RUNX1: variants seen among roughly 807,000 people sequenced by gnomAD.
RUNX1 encodes RUNX family transcription factor 1.
Under a neutral mutation model 42.8 loss-of-function variants are expected in RUNX1, and 19 were observed. The ratio of observed to expected loss-of-function variants is 0.44; its 90% CI spans 0.31 to 0.65. The LOEUF is 0.65. Ranked by LOEUF, RUNX1 falls within the 30% of genes least tolerant of loss-of-function variation. The pLI, the probability that RUNX1 is intolerant of heterozygous loss-of-function variation, is 0.07. For missense variants in RUNX1, 528 were observed against 672.0 expected (o/e 0.79, Z 2.37); for synonymous variants, 271 against 289.4 (o/e 0.94, Z 0.64).
rs1555905178 is a variant in RUNX1, at chr21:34,923,687, G to GAACACATT, written c.59-30725_59-30724insAATGTGTT. Among the ~76,000 whole-genome samples, 852 of 147,542 alleles carry GAACACATT rather than the reference G, an allele frequency of 5.8e-3. 33 individuals carry two copies. The highest frequency in any genetic ancestry group is 0.012 in the African/African-American group (445 of 38,206). ...TCCCATTTCAGTGAACAGCAATTCT[G>GAACACATT]TCAACCATCATTCAAATGCAAAAGC... On this transcript the variant is annotated intron_variant, in intron 2 of 8. Transcript: ENST00000675419.
In RUNX1 at chr21:34,834,698, T is replaced by C. The variant is rs562147534; in HGVS notation, c.614-97A>G. ...TGTGGATTTCCTAAAACTGGGGCTTTTCTTGTCTTTCCCCTCTCTCTCCCC... is the reference window on the plus strand; with the variant it reads ...TGTGGATTTCCTAAAACTGGGGCTTCTCTTGTCTTTCCCCTCTCTCTCCCC... On this transcript the variant is annotated intron_variant, in intron 6 of 8. Transcript: ENST00000675419. 21 of 1,081,866 alleles carry C rather than the reference T, an allele frequency of 1.9e-5. No individual in the cohort carries two copies. The East Asian group carries it at 4.9e-4, about 25-fold the overall frequency. 67.0% of individuals were successfully genotyped at this position (1,081,866 alleles called of 1,614,324 possible). A position where few individuals can be genotyped will look rare whatever the true frequency, so the allele number is the denominator to read the frequency against.
At chr21:34,890,747 G>A (rs866661731) in intron 3 of RUNX1, among the ~76,000 whole-genome samples, 843 of 61,082 alleles carry the variant, frequency 0.014, 5 homozygotes, top group African/African-American at 0.052. Context: ...CCGCCCAAAC[G>A]TCCACTTTCT....
chr21:34,792,240 G>A lies in RUNX1; in HGVS notation c.1338C>T (p.Leu446=), dbSNP rs769628054. 3.8e-5 allele frequency: 58 copies of A among 1,539,882 alleles called. 2 individuals carry two copies. The South Asian group carries it at 4.6e-4, about 12-fold the overall frequency. Residue 446 remains leucine, a synonymous_variant, in exon 9 of 9, where the codon CTC becomes CTT. Coordinates refer to ENST00000675419, the MANE Select transcript of RUNX1 (RefSeq NM_001754.5). The surrounding 1 kb of genome is among the most constrained non-coding windows in gnomAD (Gnocchi z 6.9). ...CCTCCACCACGTCGCTCTGGTTCGG[G>A]AGGCTGGGGTTGAGCAGCGCGGAGC... ...STGSALLNPS[L]PNQSDVVEAE... is the part of the protein sequence containing the mutation.
chr21:34,921,823 G>A (rs1484355535), intron 2 of RUNX1, among the ~76,000 whole-genome samples: 1 of 151,974 alleles, frequency 6.6e-6, no homozygotes, highest in African/African-American at 2.4e-5. Context: ...TAGTGGAGAT[G>A]GAGTTTCACT....
intron 2 of RUNX1, among the ~76,000 whole-genome samples, chr21:34,966,683 G>A (rs1389234123): frequency 6.6e-6 from 1 of 152,186 alleles, no homozygotes; most frequent in Non-Finnish European, 1.5e-5. Context: ...TTATGCGTTT[G>A]CTGCAAATGG....
chr21:34,871,064 A>G (rs1601495456), intron 5 of RUNX1, among the ~76,000 whole-genome samples: 1 of 152,324 alleles, frequency 6.6e-6, no homozygotes, highest in South Asian at 2.1e-4. Flanking sequence ...GGAGCTTTCT[A>G]GTTAAAGGCT....
intron 6 of RUNX1, among the ~76,000 whole-genome samples, chr21:34,839,207 G>C (rs903157444): frequency 6.6e-6 from 1 of 152,058 alleles, no homozygotes; most frequent in Non-Finnish European, 1.5e-5. Flanking sequence ...TACAGGAAGA[G>C]GGCAGGTCTG....
chr21:34,978,942 A>ACACACACACACG (rs1288516532), intron 2 of RUNX1, among the ~76,000 whole-genome samples: 8 of 146,988 alleles, frequency 5.4e-5, no homozygotes, highest in African/African-American at 2.0e-4. Context: ...ACAGATACAC[A>ACACACACACACG]CACACACACA....
In RUNX1 at chr21:34,887,131, T is replaced by C. The variant is rs547201122; in HGVS notation, c.98-35A>G. On this transcript the variant is annotated intron_variant, in intron 3 of 8. Coordinates refer to ENST00000675419, the MANE Select transcript of RUNX1 (RefSeq NM_001754.5). Reference sequence around the variant, plus strand: ...TACGCATCACAACAAGCCGATTGAGTTAGGACCCTGCAAACAGCTCCTACC... The same window carrying C: ...TACGCATCACAACAAGCCGATTGAGCTAGGACCCTGCAAACAGCTCCTACC... 36 of 1,597,644 alleles carry C rather than the reference T, an allele frequency of 2.3e-5. No individual in the cohort carries two copies. In the East Asian group the frequency reaches 7.4e-4, roughly 33 times the overall value.
chr21:34,848,821 G>C (rs1278948738), intron 6 of RUNX1, among the ~76,000 whole-genome samples: 1 of 152,086 alleles, frequency 6.6e-6, no homozygotes, highest in Non-Finnish European at 1.5e-5. Flanking sequence ...ATTTCTCCTA[G>C]CTCTTTCAAA....
At chr21:35,027,595 G>C (rs1187297781) in intron 2 of RUNX1, among the ~76,000 whole-genome samples, 1 of 152,242 alleles carries the variant, frequency 6.6e-6, no homozygotes, top group African/African-American at 2.4e-5. Flanking sequence ...CCAAAGGGAA[G>C]GAAAGTTTGA....
intron 6 of RUNX1, among the ~76,000 whole-genome samples, chr21:34,851,961 G>C (rs2057425672): frequency 6.6e-6 from 1 of 152,168 alleles, no homozygotes; most frequent in Non-Finnish European, 1.5e-5. Flanking sequence ...GAGGTCAGGA[G>C]ATGGAGACCA....
Position 34,843,057 on chromosome 21 carries a change from G to A in RUNX1, c.614-8456C>T, listed in dbSNP as rs2268279. On this transcript the variant is annotated intron_variant, in intron 6 of 8. Coordinates refer to ENST00000675419, the MANE Select transcript of RUNX1 (RefSeq NM_001754.5). This position sits in a 1 kb window ranked among gnomAD's most constrained non-coding sequence, Gnocchi z 4.8. ...TGCACTCCAGCCTGAGCGACAGAGC[G>A]AGACTCTGTCTCAAAAAACAAAACA... is the stretch of plus-strand genomic sequence containing the variant. Among the ~76,000 whole-genome samples the A allele has an allele frequency of 0.35, 53,012 of 152,018 alleles. 10,940 individuals carry two copies. The highest frequency in any genetic ancestry group is 0.5 in the East Asian group (2,557 of 5,154).
Position 34,792,486 on chromosome 21 carries a change from G to A in RUNX1, c.1092C>T (p.Ile364=), listed in dbSNP as rs1321389332. 3 of 1,591,840 alleles carry A rather than the reference G, an allele frequency of 1.9e-6. No individual in the cohort carries two copies. Among genetic ancestry groups the A allele is most frequent in the Non-Finnish European group, 2.6e-6 (3 of 1,169,262 alleles). The change falls in exon 9 of 9, where the codon ATC becomes ATT. Residue 364 remains isoleucine (I), a synonymous_variant. Coordinates refer to ENST00000675419, the MANE Select transcript of RUNX1 (RefSeq NM_001754.5). This position sits in a 1 kb window ranked among gnomAD's most constrained non-coding sequence, Gnocchi z 6.9. ...TYSPTPVTSG[I]GIGMSAMGSA... ...AGCCCATGGCCGACATGCCGATGCC[G>A]ATGCCCGAGGTGACCGGCGTCGGGG...
intron 2 of RUNX1, among the ~76,000 whole-genome samples, chr21:34,927,046 C>A (rs1268726489): frequency 6.6e-6 from 1 of 152,044 alleles, no homozygotes; most frequent in Non-Finnish European, 1.5e-5. Context: ...TGCTGAGGAA[C>A]CAGTTGCCTG....
intron 2 of RUNX1, among the ~76,000 whole-genome samples, chr21:34,933,027 C>T (rs987582070): frequency 6.6e-6 from 1 of 152,184 alleles, no homozygotes; most frequent in African/African-American, 2.4e-5. Context: ...TGATCACATG[C>T]TTTTGAAGTG....
At chr21:34,839,302 C>T (rs1450671269) in intron 6 of RUNX1, among the ~76,000 whole-genome samples, 3 of 150,614 alleles carry the variant, frequency 2.0e-5, no homozygotes, top group Admixed American at 1.3e-4. Context: ...CCCACGGACA[C>T]ACACACTCAG....
chr21:34,961,101 C>T (rs546375685), intron 2 of RUNX1, among the ~76,000 whole-genome samples: 3 of 152,252 alleles, frequency 2.0e-5, no homozygotes, highest in South Asian at 2.1e-4. Flanking sequence ...CATGGCTGGG[C>T]GTGGTGGCTC....
In RUNX1 at chr21:34,790,246, C is replaced by G. The variant is rs1285019514; in HGVS notation, c.*1889G>C. On this transcript the variant is annotated 3_prime_UTR_variant, in exon 9 of 9. Transcript: ENST00000675419. ...TAATCAATATATATATAAGAAAACT[C>G]AAAAACAAGTTGTTTTAAATAAGTC... 4.3e-6 allele frequency: 1 copy of G among 233,264 alleles called. No individual in the cohort carries two copies. The highest frequency in any genetic ancestry group is 8.5e-6 in the Non-Finnish European group (1 of 117,904). The allele number at this position is 233,264 out of a possible 1,614,324, so 14.4% of individuals were successfully genotyped here.
Sources: allele counts gnomAD v4.1 joint callset (sites outside exome capture counted in the v4.1 genomes callset), GRCh38; gene constraint gnomAD v4.1.1; non-coding constraint Gnocchi (gnomAD v3.1); transcripts MANE v1.5; gene names NCBI Gene and HGNC (gene_info 2026-07-23, HGNC 2026-07-21).